The following DHCR24 variants were observed in gnomAD, a reference collection of about 807,000 sequenced individuals.
DHCR24 encodes delta(24)-sterol reductase.
DHCR24 carries 28 observed loss-of-function variants against 61.2 expected under a neutral mutation model. That is an observed-to-expected ratio of 0.46 (90% CI 0.34 to 0.63). DHCR24 has a LOEUF of 0.63. Among genes scored for constraint, DHCR24 ranks in the 20% least tolerant of loss-of-function variants. DHCR24 has a pLI of 0.01. For synonymous variants in DHCR24, 261 were observed against 275.9 expected (o/e 0.95, Z 0.54); for missense variants, 538 against 679.1 (o/e 0.79, Z 2.31).
intron 5 of DHCR24, among the ~76,000 whole-genome samples, chr1:54,870,372 A>G (rs1175103243): frequency 1.3e-5 from 2 of 152,238 alleles, no homozygotes; most frequent in African/African-American, 4.8e-5. Flanking sequence ...TTACTTTTAT[A>G]ATTTAAAAAC....
At chr1:54,869,736 T>C (rs1646987482) in intron 5 of DHCR24, among the ~76,000 whole-genome samples, 1 of 151,838 alleles carries the variant, frequency 6.6e-6, no homozygotes, top group Non-Finnish European at 1.5e-5. Context: ...ACCCCATCCC[T>C]ACAAAAAAAT....
At chr1:54,853,706 T>TGCA (rs1027157159) in intron 7 of DHCR24, 94 bp from the exon 8 acceptor site, 136 of 1,412,684 alleles carry the variant, frequency 9.6e-5, no homozygotes, top group Non-Finnish European at 1.5e-5. Flanking sequence ...ATGAAGGCTT[T>TGCA]GCAGCATTCT....
rs1057340141 is a variant in DHCR24, at chr1:54,851,809, T to C, written c.*424A>G. On this transcript the variant is annotated 3_prime_UTR_variant, in exon 9 of 9. Coordinates refer to ENST00000371269, the MANE Select transcript of DHCR24 (RefSeq NM_014762.4). ...GCACAGGTGACCTAATGTGGAGCCTTTTCAGGCTCCACTGCAGATGTGACG... is the reference window on the plus strand; with the variant it reads ...GCACAGGTGACCTAATGTGGAGCCTCTTCAGGCTCCACTGCAGATGTGACG... 9.3e-6 allele frequency: 2 copies of C among 214,970 alleles called. No individual in the cohort carries two copies. Among genetic ancestry groups the C allele is most frequent in the Non-Finnish European group, 1.9e-5 (2 of 106,222 alleles). The allele number at this position is 214,970 out of a possible 1,614,324, so 13.3% of individuals were successfully genotyped here. A position where few individuals can be genotyped will look rare whatever the true frequency, so the allele number is the denominator to read the frequency against.
chr1:54,862,798 C>T (rs916298477), intron 6 of DHCR24, among the ~76,000 whole-genome samples: 10 of 152,182 alleles, frequency 6.6e-5, no homozygotes, highest in Admixed American at 2.0e-4. Flanking sequence ...TCAACCAGGC[C>T]GGGTGCGGTG....
intron 2 of DHCR24, among the ~76,000 whole-genome samples, chr1:54,880,701 G>C (rs1647059227): frequency 6.6e-6 from 1 of 151,932 alleles, no homozygotes; most frequent in African/African-American, 2.4e-5. Flanking sequence ...GGAGATGGAG[G>C]TTGCCGAGAA....
intron 1 of DHCR24, among the ~76,000 whole-genome samples, chr1:54,884,822 G>A (rs946429109): frequency 1.3e-5 from 2 of 152,162 alleles, no homozygotes; most frequent in African/African-American, 4.8e-5. Flanking sequence ...TCTTTACTGG[G>A]GTCGCTAAGC....
intron 6 of DHCR24, among the ~76,000 whole-genome samples, chr1:54,855,087 T>A (rs2101556443): frequency 6.6e-6 from 1 of 152,280 alleles, no homozygotes; most frequent in Non-Finnish European, 1.5e-5. Flanking sequence ...AAGCCAAGGC[T>A]GCTCCTCCAT....
chr1:54,886,325 C>G (rs1647095906), intron 1 of DHCR24, among the ~76,000 whole-genome samples: 3 of 152,178 alleles, frequency 2.0e-5, no homozygotes, highest in African/African-American at 7.2e-5. Context: ...TGGGTTCTAC[C>G]TTCTTGCTTT....
intron 2 of DHCR24, among the ~76,000 whole-genome samples, chr1:54,879,318 A>C (rs1305863604): frequency 1.2e-4 from 11 of 88,730 alleles, no homozygotes; most frequent in Non-Finnish European, 2.4e-4. Flanking sequence ...GCAAGACTCC[A>C]TCTGAAAAAA....
At chr1:54,872,795 G>A (rs923282327) in intron 4 of DHCR24, among the ~76,000 whole-genome samples, 14 of 152,184 alleles carry the variant, frequency 9.2e-5, no homozygotes, top group African/African-American at 3.4e-4. Flanking sequence ...AAAAGACAGG[G>A]CCCCGCAAGC....
intron 4 of DHCR24, among the ~76,000 whole-genome samples, chr1:54,874,704 T>C (rs1486555610): frequency 6.6e-6 from 1 of 152,192 alleles, no homozygotes; most frequent in African/African-American, 2.4e-5. Flanking sequence ...GATGGCATAA[T>C]GAACGGCTAA....
chr1:54,856,660 A>AT (rs1474596565), intron 6 of DHCR24, among the ~76,000 whole-genome samples: 1 of 152,138 alleles, frequency 6.6e-6, no homozygotes, highest in Non-Finnish European at 1.5e-5. Context: ...GTCATAATTT[A>AT]TTTAATCACT....
At chr1:54,856,848 T>C (rs2101558083) in intron 6 of DHCR24, among the ~76,000 whole-genome samples, 1 of 152,336 alleles carries the variant, frequency 6.6e-6, no homozygotes, top group South Asian at 2.1e-4. Context: ...TACCATTTTA[T>C]ACTCTCCCAG....
Position 54,853,498 on chromosome 1 carries a change from C to T in DHCR24, c.1333G>A (p.Val445Met), listed in dbSNP as rs1646889347. 6.2e-7 allele frequency: 1 copy of T among 1,614,224 alleles called. No homozygotes were observed. The highest frequency in any genetic ancestry group is 8.5e-7 in the Non-Finnish European group (1 of 1,180,038). Residue 445 changes from valine to methionine, a missense_variant, in exon 8 of 9, where the codon GTG (valine) becomes ATG (methionine). Coordinates refer to ENST00000371269, the MANE Select transcript of DHCR24 (RefSeq NM_014762.4). ...IDIGAYGEPR[V>M]KHFEARSCMR... ...CAGGACCTGGCTTCAAAGTGTTTCA[C>T]ACGCGGCTCCCCATATGCTCCAATG...
chr1:54,883,896 A>C lies in DHCR24; in HGVS notation c.232-123T>G. 1 of 1,376,268 alleles carries C rather than the reference A, an allele frequency of 7.3e-7. No individual in the cohort carries two copies. Among genetic ancestry groups the C allele is most frequent in the South Asian group, 1.2e-5 (1 of 83,016 alleles). The allele number at this position is 1,376,268 out of a possible 1,614,324, so 85.3% of individuals were successfully genotyped here. A position where few individuals can be genotyped will look rare whatever the true frequency, so the allele number is the denominator to read the frequency against. On this transcript the variant is annotated intron_variant, in intron 1 of 8. Transcript: ENST00000371269. This position sits in a 1 kb window ranked among gnomAD's most constrained non-coding sequence, Gnocchi z 4.3. ...CCATCAGGCACTGGAGAAACAGAAC[A>C]ATGAAAAGGCCTGCTGGCCCTACCC...
chr1:54,883,519 C>T lies in DHCR24; in HGVS notation c.387+99G>A, dbSNP rs1647075784. Reference sequence around the variant, plus strand: ...TGACTGTGGGCATTGGTCCTGTCCACTCTGCAATGCCCTTGGCTAAAATCA... The same window carrying T: ...TGACTGTGGGCATTGGTCCTGTCCATTCTGCAATGCCCTTGGCTAAAATCA... On this transcript the variant is annotated intron_variant, in intron 2 of 8. Transcript: ENST00000371269. This position sits in a 1 kb window ranked among gnomAD's most constrained non-coding sequence, Gnocchi z 4.3. 1.4e-6 allele frequency: 2 copies of T among 1,456,010 alleles called. No individual in the cohort carries two copies. Among genetic ancestry groups the T allele is most frequent in the African/African-American group, 2.8e-5 (2 of 71,540 alleles). The allele number at this position is 1,456,010 out of a possible 1,614,324, so 90.2% of individuals were successfully genotyped here.
intron 1 of DHCR24, among the ~76,000 whole-genome samples, chr1:54,886,048 T>C (rs1013472093): frequency 6.6e-6 from 1 of 152,088 alleles, no homozygotes; most frequent in Non-Finnish European, 1.5e-5. Context: ...AAGCAGAATA[T>C]GGAGGCTGCT....
chr1:54,865,549 C>T, intron 5 of DHCR24, 103 bp from the exon 6 acceptor site: 1 of 1,494,114 alleles, frequency 6.7e-7, no homozygotes. Context: ...CTGGCCTTTT[C>T]AAAGCTCTTT....
chr1:54,875,634 GGGA>G (rs898259924), intron 3 of DHCR24, among the ~76,000 whole-genome samples: 34 of 152,248 alleles, frequency 2.2e-4, no homozygotes, highest in Non-Finnish European at 2.2e-4. Flanking sequence ...TGAATCCTAT[GGGA>G]GGAGAAGAGA....
Sources: gnomAD v4.1 joint callset for allele counts (sites outside exome capture counted in the v4.1 genomes callset) on GRCh38, gnomAD v4.1.1 for gene constraint, Gnocchi (gnomAD v3.1) non-coding constraint, MANE v1.5 for transcripts, NCBI Gene and HGNC (gene_info 2026-07-23, HGNC 2026-07-21) for gene names.